Variants in LEKR1 observed in about 807,000 individuals in gnomAD.
LEKR1 encodes the protein protein LEKR1.
In LEKR1, 59 loss-of-function variants were observed where a neutral mutation model predicts 72.4. That is an observed-to-expected ratio of 0.82 (90% CI 0.66 to 1.01). The LOEUF (loss-of-function observed/expected upper bound fraction) is 1.01, where lower values mean the gene tolerates loss of function less well. Among genes scored for constraint, LEKR1 ranks in the 50% least tolerant of loss-of-function variants. The pLI is 0.00. For missense variants in LEKR1, 728 were observed against 759.2 expected (o/e 0.96, Z 0.48); for synonymous variants, 257 against 263.2 (o/e 0.98, Z 0.23).
intron 2 of LEKR1, among the ~76,000 whole-genome samples, chr3:156,843,283 A>G (rs1053044277): frequency 6.6e-6 from 1 of 152,202 alleles, no homozygotes; most frequent in East Asian, 1.9e-4. Context: ...AAGAGCAATG[A>G]ATAATTTTCC....
intron 3 of LEKR1, among the ~76,000 whole-genome samples, chr3:156,903,274 G>T (rs1025856050): frequency 6.6e-6 from 1 of 151,932 alleles, no homozygotes; most frequent in Non-Finnish European, 1.5e-5. Context: ...TTGTTAATTT[G>T]TTAGATTAAA....
At chr3:156,848,138 A>G (rs751328464) in intron 2 of LEKR1, among the ~76,000 whole-genome samples, 1 of 152,190 alleles carries the variant, frequency 6.6e-6, no homozygotes, top group Non-Finnish European at 1.5e-5. Flanking sequence ...AGAAACTAAA[A>G]TGCAAGATGG....
chr3:156,847,813 A>G (rs919358911), intron 2 of LEKR1, among the ~76,000 whole-genome samples: 4 of 152,246 alleles, frequency 2.6e-5, no homozygotes, highest in Admixed American at 2.0e-4. Flanking sequence ...ATCATAATGA[A>G]TATCATGTTT....
chr3:156,852,684 C>A, intron 2 of LEKR1, 84 bp from the exon 3 acceptor site: 1 of 663,416 alleles, frequency 1.5e-6, no homozygotes, highest in Non-Finnish European at 2.5e-6. Flanking sequence ...TTACTTCATT[C>A]AACCAGCATG....
At chr3:157,016,815 A>T (rs1284110797) in intron 10 of LEKR1, among the ~76,000 whole-genome samples, 2 of 152,196 alleles carry the variant, frequency 1.3e-5, no homozygotes, top group Non-Finnish European at 2.9e-5. Flanking sequence ...TGAGATTCTT[A>T]TACAATACAT....
chr3:157,022,281 C>T (rs28564228), intron 10 of LEKR1, among the ~76,000 whole-genome samples: 88,109 of 151,930 alleles, frequency 0.58, 27,392 homozygotes, highest in South Asian at 0.8. Flanking sequence ...TATTAATGCA[C>T]TGAGAAACCA....
chr3:157,044,808 A>G (rs1283377684), intron 12 of LEKR1, among the ~76,000 whole-genome samples: 1 of 152,148 alleles, frequency 6.6e-6, no homozygotes, highest in Admixed American at 6.5e-5. Flanking sequence ...ATCATATGAG[A>G]ACTGATTTTA....
At chr3:156,836,401 A>C (rs1713147529) in intron 2 of LEKR1, among the ~76,000 whole-genome samples, 1 of 152,166 alleles carries the variant, frequency 6.6e-6, no homozygotes, top group Non-Finnish European at 1.5e-5. Context: ...CAGCCAACCA[A>C]GAAGAAAAAA....
intron 2 of LEKR1, among the ~76,000 whole-genome samples, chr3:156,832,909 A>C (rs1675665597): frequency 6.6e-6 from 1 of 152,232 alleles, no homozygotes; most frequent in Non-Finnish European, 1.5e-5. Context: ...TGTTGCAAAA[A>C]ACAAAGCAAA....
chr3:156,859,806 A>G (rs536032387), intron 3 of LEKR1, among the ~76,000 whole-genome samples: 1 of 152,298 alleles, frequency 6.6e-6, no homozygotes, highest in South Asian at 2.1e-4. Context: ...ACACTTAGCA[A>G]CCACTGATCT....
intron 12 of LEKR1, among the ~76,000 whole-genome samples, chr3:157,031,378 G>T (rs1437420214): frequency 1.3e-4 from 20 of 152,092 alleles, no homozygotes; most frequent in Admixed American, 1.3e-3. Context: ...CCAATTAAGG[G>T]TATACTTAGG....
At chr3:156,978,880 G>A (rs140582520) in intron 6 of LEKR1, among the ~76,000 whole-genome samples, 2 of 152,244 alleles carry the variant, frequency 1.3e-5, no homozygotes, top group East Asian at 1.9e-4. Flanking sequence ...TCTTATGTTT[G>A]TCAGCTACAT....
At chr3:157,029,066 C>T (rs1734410198) in intron 12 of LEKR1, among the ~76,000 whole-genome samples, 1 of 152,050 alleles carries the variant, frequency 6.6e-6, no homozygotes, top group African/African-American at 2.4e-5. Context: ...CCTTTGATGA[C>T]AGTATAGCAA....
intron 2 of LEKR1, 81 bp from the exon 3 acceptor site, chr3:156,852,687 C>T: frequency 1.5e-6 from 1 of 672,776 alleles, no homozygotes; most frequent in Non-Finnish European, 2.5e-6. Context: ...CTTCATTCAA[C>T]CAGCATGGCT....
At chr3:156,827,517 G>C (rs1276492159) in intron 1 of LEKR1, among the ~76,000 whole-genome samples, 2 of 152,194 alleles carry the variant, frequency 1.3e-5, no homozygotes, top group Non-Finnish European at 2.9e-5. Context: ...CACGTTACCA[G>C]TTTCCTTGAG....
chr3:157,011,164 A>G (rs979037014), intron 9 of LEKR1, among the ~76,000 whole-genome samples: 46 of 152,228 alleles, frequency 3.0e-4, no homozygotes, highest in African/African-American at 1.0e-3. Context: ...GTTAATGTTT[A>G]TTGCCAAAAT....
At chr3:157,025,381 T>C (rs1388367436) in intron 11 of LEKR1, among the ~76,000 whole-genome samples, 2 of 152,232 alleles carry the variant, frequency 1.3e-5, no homozygotes, top group Admixed American at 6.5e-5. Flanking sequence ...CTAAATTTCT[T>C]AAACAGTATG....
At chr3:156,827,665 G>A (rs899612612) in intron 1 of LEKR1, among the ~76,000 whole-genome samples, 3 of 152,168 alleles carry the variant, frequency 2.0e-5, no homozygotes, top group African/African-American at 7.2e-5. Flanking sequence ...TTTCTGCATT[G>A]TGGAGCATTT....
At chr3:156,908,236 T>C (rs546031399) in intron 3 of LEKR1, among the ~76,000 whole-genome samples, 16 of 152,324 alleles carry the variant, frequency 1.1e-4, no homozygotes, top group African/African-American at 3.4e-4. Context: ...AAATATCTTG[T>C]GGTAGATATT....
Sources: gnomAD v4.1 joint callset for allele counts (sites outside exome capture counted in the v4.1 genomes callset) on GRCh38, gnomAD v4.1.1 for gene constraint, MANE v1.5 for transcripts, NCBI Gene and HGNC (gene_info 2026-07-23, HGNC 2026-07-21) for gene names.